The following IRAG2 variants were observed in gnomAD, a reference collection of about 807,000 sequenced individuals.
IRAG2 encodes the protein inositol 1,4,5-triphosphate receptor associated 2.
Under a neutral mutation model 69.9 loss-of-function variants are expected in IRAG2, and 45 were observed. The observed-to-expected ratio is 0.64, with a 90% CI of 0.51 to 0.83. The LOEUF (loss-of-function observed/expected upper bound fraction) is 0.83, where lower values mean the gene tolerates loss of function less well. Ranked by LOEUF, IRAG2 falls within the 40% of genes least tolerant of loss-of-function variation. The pLI, the probability that IRAG2 is intolerant of heterozygous loss-of-function variation, is 0.00. For synonymous variants in IRAG2, 193 were observed against 202.4 expected, an observed-to-expected ratio of 0.95 and a Z score of 0.40; for missense variants, 520 against 587.0, an observed-to-expected ratio of 0.89 and a Z score of 1.18.
upstream of IRAG2, among the ~76,000 whole-genome samples, chr12:25,001,990 C>G (rs576819280): frequency 5.1e-4 from 78 of 151,952 alleles, no homozygotes; most frequent in Non-Finnish European, 9.3e-4. Context: ...AGGCTGGTCT[C>G]GAACTCCTGA....
rs139970922 is a variant in IRAG2 at position 25,087,978 on chromosome 12, T to C, written c.316-122T>C. The C allele has an allele frequency of 3.0e-4, 199 of 668,966 alleles. 2 individuals carry two copies. In the East Asian group the frequency reaches 5.5e-3, roughly 18 times the overall value. The allele number at this position is 668,966 out of a possible 1,614,324, so 41.4% of individuals were successfully genotyped here. On this transcript the variant is annotated intron_variant, in intron 10 of 21. Transcript: ENST00000556887. ...AACTGGTCCCTGGTACCAAAAAGGTTGGGGACTGCTGTTATAGAGTGTTTT... is the reference window on the plus strand; with the variant it reads ...AACTGGTCCCTGGTACCAAAAAGGTCGGGGACTGCTGTTATAGAGTGTTTT...
At chr12:25,044,846 T>C (rs1944779680) in intron 16 of IRAG2, among the ~76,000 whole-genome samples, 1 of 152,116 alleles carries the variant, frequency 6.6e-6, no homozygotes, top group Admixed American at 6.6e-5. Context: ...TGTTCAATAA[T>C]GGATAGAACA....
chr12:25,083,472 G>C lies in IRAG2; in HGVS notation c.294G>C (p.Lys98Asn), dbSNP rs762078308. The change falls in exon 10 of 22, where the codon AAG becomes AAC. Residue 98 changes from lysine to asparagine, a missense_variant. Coordinates refer to ENST00000556887, the MANE Select transcript of IRAG2 (RefSeq NM_001366544.2). ...TTGCATTCCAAGACTCTACGAGTAA[G>C]GATAAAACCATATTAAATCTGGTAA... Reference protein sequence around the residue: ...DNIAFQDSTSKDKTILNLEAK... With the variant: ...DNIAFQDSTSNDKTILNLEAK... 7 of 1,608,840 alleles carry C rather than the reference G, an allele frequency of 4.4e-6. No individual in the cohort carries two copies. The East Asian group carries it at 1.6e-4, about 36-fold the overall frequency.
At chr12:25,078,401 T>A (rs917841208) in intron 6 of IRAG2, among the ~76,000 whole-genome samples, 1 of 152,226 alleles carries the variant, frequency 6.6e-6, no homozygotes, top group Non-Finnish European at 1.5e-5. Flanking sequence ...TTGTTGGTTG[T>A]GACAGTTAGT....
At chr12:25,019,390 T>C (rs981015732) in intron 6 of IRAG2, among the ~76,000 whole-genome samples, 1 of 151,974 alleles carries the variant, frequency 6.6e-6, no homozygotes, top group Non-Finnish European at 1.5e-5. Flanking sequence ...TATCGAGTGG[T>C]GGAAGTGGCT....
At chr12:25,094,085 C>T (rs922968402) in intron 14 of IRAG2, among the ~76,000 whole-genome samples, 1 of 129,868 alleles carries the variant, frequency 7.7e-6, no homozygotes, top group Non-Finnish European at 1.7e-5. Context: ...ACTTTTAAGT[C>T]TGATGTAGTT....
chr12:25,075,054 G>T (rs1312311491), intron 6 of IRAG2, among the ~76,000 whole-genome samples: 1 of 152,206 alleles, frequency 6.6e-6, no homozygotes, highest in Non-Finnish European at 1.5e-5. Flanking sequence ...CCTGAAAGTG[G>T]TGGGTGTAAC....
intron 4 of IRAG2, 122 bp from the exon 5 acceptor site, chr12:25,066,243 A>C: frequency 2.5e-6 from 1 of 392,240 alleles, no homozygotes. Context: ...TTATGTTAAA[A>C]TGTGAATAGA....
At chr12:25,017,045 C>A in intron 5 of IRAG2, 2 of 1,037,550 alleles carry the variant, frequency 1.9e-6, no homozygotes, top group Non-Finnish European at 2.5e-6. Context: ...ACCAGAATAT[C>A]AAAGTTTGGT....
chr12:25,080,318 A>AG (rs1247595946), intron 9 of IRAG2, among the ~76,000 whole-genome samples: 3 of 152,042 alleles, frequency 2.0e-5, no homozygotes, highest in African/African-American at 7.2e-5. Context: ...CCCATAAAAA[A>AG]AAATCAATCA....
chr12:25,032,084 T>C (rs1944672583), intron 10 of IRAG2: 1 of 398,364 alleles, frequency 2.5e-6, no homozygotes, highest in Non-Finnish European at 4.4e-6. Context: ...TAGTCTAATA[T>C]ATATGATTTG....
intron 15 of IRAG2, among the ~76,000 whole-genome samples, chr12:25,098,448 C>T (rs150880508): frequency 6.6e-6 from 1 of 152,296 alleles, no homozygotes; most frequent in African/African-American, 2.4e-5. Context: ...AGCCTCCCAG[C>T]GTGTGAATCC....
chr12:25,009,338 A>T (rs901225731), intron 2 of IRAG2, among the ~76,000 whole-genome samples: 1 of 152,226 alleles, frequency 6.6e-6, no homozygotes, highest in East Asian at 1.9e-4. Context: ...AATATTTTAC[A>T]TATAAAATCA....
At chr12:25,064,098 C>T (rs559476656) in intron 4 of IRAG2, among the ~76,000 whole-genome samples, 7 of 152,106 alleles carry the variant, frequency 4.6e-5, no homozygotes, top group African/African-American at 1.2e-4. Context: ...CCCAGGAATT[C>T]GAGACCAGCC....
chr12:25,107,738 T>C (rs1266063359), intron 21 of IRAG2, 79 bp from the exon 22 acceptor site: 3 of 1,391,180 alleles, frequency 2.2e-6, no homozygotes, highest in Non-Finnish European at 3.0e-6. Context: ...GCAGATCACC[T>C]GACTGGTGGT....
intron 19 of IRAG2, 137 bp from the exon 20 acceptor site, chr12:25,104,224 G>C: frequency 1.2e-6 from 1 of 837,390 alleles, no homozygotes; most frequent in South Asian, 1.7e-5. Context: ...TTATCATAAA[G>C]TAGGAGATCT....
At position 25,108,216 on chromosome 12, in the gene IRAG2, C is replaced by A; in HGVS notation, c.*156C>A. ...CATTTCCTCTTTTTGCCTTTATCTC[C>A]CCAACTAAAATACAATGGGGAAGAA... is the stretch of plus-strand genomic sequence containing the variant. On this transcript the variant is annotated 3_prime_UTR_variant, in exon 22 of 22. Transcript: ENST00000556887. 2 of 783,506 alleles carry A rather than the reference C, an allele frequency of 2.6e-6. No individual in the cohort carries two copies. The highest frequency in any genetic ancestry group is 2.1e-5 in the South Asian group (1 of 48,202). The allele number at this position is 783,506 out of a possible 1,614,324, so 48.5% of individuals were successfully genotyped here. A position where few individuals can be genotyped will look rare whatever the true frequency, so the allele number is the denominator to read the frequency against.
Position 25,033,089 on chromosome 12 carries a change from TG to T in IRAG2, c.1643+723del, listed in dbSNP as rs1317214631. 2.0e-5 allele frequency among the ~76,000 whole-genome samples: 3 copies of T among 152,112 alleles called. No homozygotes were observed. The East Asian group carries it at 5.8e-4, about 29-fold the overall frequency. ...CTTCTGTCTCAGTCCCCCAGTAAGC[TG>T]GGACTACAGGCATATGCCACCATGC... On this transcript the variant is annotated intron_variant, in intron 12 of 38. Transcript: ENST00000636465.
At chr12:25,082,603 A>AG (rs1555140823) in intron 9 of IRAG2, among the ~76,000 whole-genome samples, 1 of 70,010 alleles carries the variant, frequency 1.4e-5, no homozygotes, top group Non-Finnish European at 3.7e-5. Context: ...CTGTCTCAAA[A>AG]AAAAAACAAA....
Sources: allele counts gnomAD v4.1 joint callset (sites outside exome capture counted in the v4.1 genomes callset), GRCh38; gene constraint gnomAD v4.1.1; transcripts MANE v1.5; gene names NCBI Gene and HGNC (gene_info 2026-07-23, HGNC 2026-07-21).